The following STXBP6 variants were observed in gnomAD, a reference collection of about 807,000 sequenced individuals.
The protein encoded by STXBP6 is syntaxin-binding protein 6.
In STXBP6, 21 loss-of-function variants were observed where a neutral mutation model predicts 26.9. The observed-to-expected ratio is 0.78, with a 90% CI of 0.55 to 1.12. The LOEUF is 1.12. Among genes scored for constraint, STXBP6 ranks in the 50% most tolerant of loss-of-function variants. STXBP6 has a pLI of 0.00. For missense variants in STXBP6, 232 were observed against 257.9 expected, an observed-to-expected ratio of 0.90 and a Z score of 0.69; for synonymous variants, 97 against 92.6, an observed-to-expected ratio of 1.05 and a Z score of -0.27.
intron 2 of STXBP6, among the ~76,000 whole-genome samples, chr14:24,921,358 C>A (rs1052638394): frequency 6.6e-6 from 1 of 152,080 alleles, no homozygotes; most frequent in Non-Finnish European, 1.5e-5. Flanking sequence ...GTGCTTAGAG[C>A]ACAGTGTGAT....
chr14:24,917,837 G>A (rs1412004291), intron 2 of STXBP6, among the ~76,000 whole-genome samples: 1 of 152,060 alleles, frequency 6.6e-6, no homozygotes, highest in African/African-American at 2.4e-5. Flanking sequence ...GAAAATATTT[G>A]CTAACCATAT....
chr14:24,858,755 G>A (rs1160070597), intron 2 of STXBP6, among the ~76,000 whole-genome samples: 2 of 152,034 alleles, frequency 1.3e-5, no homozygotes, highest in Non-Finnish European at 2.9e-5. Flanking sequence ...TGATGGCTGT[G>A]ACCTGCTCTT....
chr14:25,032,901 T>C (rs563169639), intron 1 of STXBP6, among the ~76,000 whole-genome samples: 1 of 152,264 alleles, frequency 6.6e-6, no homozygotes, highest in African/African-American at 2.4e-5. Context: ...TGCAGGCACA[T>C]CTCTATATGA....
At chr14:24,945,754 T>A (rs1038894113) in intron 2 of STXBP6, among the ~76,000 whole-genome samples, 7 of 152,200 alleles carry the variant, frequency 4.6e-5, no homozygotes, top group African/African-American at 9.7e-5. Context: ...GCATCAACTA[T>A]GTGCTAGGCA....
chr14:24,991,244 C>T (rs145089657), intron 1 of STXBP6, among the ~76,000 whole-genome samples: 16 of 152,184 alleles, frequency 1.1e-4, no homozygotes, highest in African/African-American at 3.9e-4. Flanking sequence ...ATCCCCACTT[C>T]CAGTACATAT....
intron 2 of STXBP6, among the ~76,000 whole-genome samples, chr14:24,952,301 TAAA>T (rs1010524341): frequency 7.2e-6 from 1 of 139,052 alleles, no homozygotes; most frequent in African/African-American, 2.6e-5. Flanking sequence ...CTTTATCCCT[TAAA>T]AAAAAAAAAA....
At chr14:24,931,580 A>T (rs1391278731) in intron 2 of STXBP6, among the ~76,000 whole-genome samples, 1 of 152,166 alleles carries the variant, frequency 6.6e-6, no homozygotes, top group Non-Finnish European at 1.5e-5. Flanking sequence ...CCTCATATTT[A>T]TGGAGCACCT....
chr14:25,042,577 C>T (rs757654402), intron 1 of STXBP6, among the ~76,000 whole-genome samples: 7 of 152,162 alleles, frequency 4.6e-5, no homozygotes, highest in Non-Finnish European at 8.8e-5. Flanking sequence ...AATTAACTTG[C>T]GCAAGGTCAC....
intron 2 of STXBP6, among the ~76,000 whole-genome samples, chr14:24,857,869 A>C (rs953717107): frequency 6.6e-6 from 1 of 152,044 alleles, no homozygotes; most frequent in Non-Finnish European, 1.5e-5. Flanking sequence ...ACTGAAGCCA[A>C]GCATCAGGCA....
intron 2 of STXBP6, among the ~76,000 whole-genome samples, chr14:24,934,230 A>C (rs540200418): frequency 6.6e-6 from 1 of 152,310 alleles, no homozygotes; most frequent in Non-Finnish European, 1.5e-5. Context: ...TAAAGACATC[A>C]CCTTGTTAAG....
intron 2 of STXBP6, among the ~76,000 whole-genome samples, chr14:24,892,105 C>T (rs556845710): frequency 5.7e-4 from 87 of 152,102 alleles, no homozygotes; most frequent in Non-Finnish European, 1.1e-3. Context: ...CACATGTACA[C>T]ATTAGGTTCT....
intron 4 of STXBP6, 194 bp from the exon 5 acceptor site, chr14:24,819,388 G>T: frequency 1.6e-6 from 1 of 638,582 alleles, no homozygotes; most frequent in South Asian, 1.8e-5. Flanking sequence ...AACACCCACT[G>T]ACTGCAGGAC....
chr14:25,038,792 C>T lies in STXBP6; in HGVS notation c.-33+11086G>A, dbSNP rs1229003951. On this transcript the variant is annotated intron_variant, in intron 1 of 5. Transcript: ENST00000323944. ...TGTTTATCTATATAACAAACCTACA[C>T]GTGTACCCTCGAAACTAAAAGCTTT... Among the ~76,000 whole-genome samples the T allele has an allele frequency of 4.0e-5, 6 of 151,626 alleles. No individual in the cohort carries two copies. The East Asian group carries it at 5.8e-4, about 15-fold the overall frequency.
intron 2 of STXBP6, among the ~76,000 whole-genome samples, chr14:24,914,486 GTGACAA>G (rs2071685911): frequency 6.6e-6 from 1 of 152,058 alleles, no homozygotes; most frequent in African/African-American, 2.4e-5. Flanking sequence ...CTATAAACTT[GTGACAA>G]TAACAAATTT....
intron 2 of STXBP6, among the ~76,000 whole-genome samples, chr14:24,927,918 T>C (rs902907989): frequency 6.6e-6 from 1 of 152,182 alleles, no homozygotes; most frequent in Non-Finnish European, 1.5e-5. Flanking sequence ...GATTTAATTC[T>C]CATTAATCTT....
rs532225540 is a variant in STXBP6, at chr14:25,045,396, C to T, written c.-33+4482G>A. Among the ~76,000 whole-genome samples, 29 of 152,046 alleles carry T rather than the reference C, an allele frequency of 1.9e-4. No homozygotes were observed. The South Asian group carries it at 4.8e-3, about 25-fold the overall frequency. ...AATACCCACCCCAACAGCACTTTAC[C>T]CAACATATTCTCGGAACTGCTGAGC... On this transcript the variant is annotated intron_variant, in intron 1 of 5. Coordinates refer to ENST00000323944, the MANE Select transcript of STXBP6 (RefSeq NM_001394410.1).
At chr14:24,888,125 A>G (rs1220314695) in intron 2 of STXBP6, among the ~76,000 whole-genome samples, 2 of 152,256 alleles carry the variant, frequency 1.3e-5, no homozygotes, top group African/African-American at 4.8e-5. Flanking sequence ...TGGTCTGAAC[A>G]CATGCCTTTA....
intron 1 of STXBP6, among the ~76,000 whole-genome samples, chr14:24,995,208 A>G (rs1022048731): frequency 5.3e-5 from 8 of 152,172 alleles, no homozygotes; most frequent in African/African-American, 1.9e-4. Flanking sequence ...GGTAGAAGGA[A>G]CAAGGCAGTT....
chr14:24,813,653 G>A (rs562538935), intron 5 of STXBP6, among the ~76,000 whole-genome samples: 31 of 152,244 alleles, frequency 2.0e-4, no homozygotes, highest in African/African-American at 7.0e-4. Flanking sequence ...GTGATTCTCC[G>A]CAGGCAATAA....
Sources: allele counts gnomAD v4.1 joint callset (sites outside exome capture counted in the v4.1 genomes callset), GRCh38; gene constraint gnomAD v4.1.1; transcripts MANE v1.5; gene names NCBI Gene and HGNC (gene_info 2026-07-23, HGNC 2026-07-21).